Variants in HPD observed in about 807,000 individuals in gnomAD.
The protein encoded by HPD is 4-hydroxyphenylpyruvate dioxygenase, also known as 4-hydroxyphenylpyruvic acid oxidase.
Under a neutral mutation model 56.9 loss-of-function variants are expected in HPD, and 35 were observed. The observed-to-expected ratio is 0.62, with a 90% CI of 0.47 to 0.82. HPD has a LOEUF of 0.82. HPD is among the 40% of genes least tolerant of loss of function. The pLI is 0.00. For synonymous variants in HPD, 186 were observed against 200.2 expected (o/e 0.93, Z 0.60); for missense variants, 442 against 506.8 (o/e 0.87, Z 1.23).
the HPD span, among the ~76,000 whole-genome samples, chr12:121,878,839 A>AT: frequency 1.8e-3 from 263 of 146,712 alleles, 1 homozygote; most frequent in Admixed American, 3.2e-3. Context: ...ACACCAGGCT[A>AT]TTTTTTTTTC....
At chr12:121,842,629 CA>C (rs1332224138) in intron 12 of HPD, among the ~76,000 whole-genome samples, 3 of 151,618 alleles carry the variant, frequency 2.0e-5, no homozygotes, top group Non-Finnish European at 4.4e-5. Context: ...GGGGTTTCGC[CA>C]TATTGACCAG....
intron 3 of HPD, 60 bp downstream of exon 3, chr12:121,857,697 T>C: frequency 7.0e-7 from 1 of 1,420,850 alleles, no homozygotes; most frequent in South Asian, 1.2e-5. Context: ...AGGCCTGCCC[T>C]TGTCAGGCAG....
intron 4 of HPD, 191 bp from the exon 5 acceptor site, chr12:121,856,816 C>A: frequency 1.6e-6 from 1 of 640,452 alleles, no homozygotes; most frequent in South Asian, 1.8e-5. Context: ...GCCAGACCCC[C>A]TCTGGATCCT....
At chr12:121,867,729 G>C (rs1265796190), upstream of HPD, among the ~76,000 whole-genome samples, 1 of 152,062 alleles carries the variant, frequency 6.6e-6, no homozygotes, top group Admixed American at 6.6e-5. Flanking sequence ...GGCTCGGCTG[G>C]TCTCTAACTC....
Position 121,839,572 on chromosome 12 carries a change from GC to G in HPD, c.*155del. ...ATCGGGAGGGCTGGAGCAGAGGGCG[GC>G]CCCGCCGAGGGGCGTGGTCAGTGTG... On this transcript the variant is annotated 3_prime_UTR_variant, in exon 14 of 14. Coordinates refer to ENST00000289004, the MANE Select transcript of HPD (RefSeq NM_002150.3). The G allele has an allele frequency of 1.5e-6, 1 of 659,296 alleles. No individual in the cohort carries two copies. The highest frequency in any genetic ancestry group is 2.7e-6 in the Non-Finnish European group (1 of 366,744). The allele number at this position is 659,296 out of a possible 1,614,324, so 40.8% of individuals were successfully genotyped here.
At chr12:121,857,931 T>C in intron 2 of HPD, 112 bp from the exon 3 acceptor site, 1 of 823,992 alleles carries the variant, frequency 1.2e-6, no homozygotes, top group Non-Finnish European at 2.1e-6. Context: ...ACCACAGAAC[T>C]TAGGAGCAGC....
At chr12:121,858,523 TCA>T (rs1878086632) in intron 2 of HPD, among the ~76,000 whole-genome samples, 162 bp downstream of exon 2, 1 of 151,942 alleles carries the variant, frequency 6.6e-6, no homozygotes, top group Non-Finnish European at 1.5e-5. Flanking sequence ...TGAGTCCAGC[TCA>T]GTCTCGGGGA....
chr12:121,866,222 A>G (rs1046367530), upstream of HPD, among the ~76,000 whole-genome samples: 1 of 150,710 alleles, frequency 6.6e-6, no homozygotes, highest in African/African-American at 2.4e-5. Context: ...AATGGTGTGA[A>G]CTCGGGAGGC....
chr12:121,873,712 C>T, the HPD span, among the ~76,000 whole-genome samples: 7 of 151,972 alleles, frequency 4.6e-5, no homozygotes, highest in African/African-American at 9.7e-5. Flanking sequence ...CCCAGCTACG[C>T]GGGAGGCTGA....
At chr12:121,851,353 A>C (rs931859155) in intron 7 of HPD, among the ~76,000 whole-genome samples, 1 of 148,086 alleles carries the variant, frequency 6.8e-6, no homozygotes, top group African/African-American at 2.5e-5. Flanking sequence ...TAAAATTTTT[A>C]TTTATTTATT....
At chr12:121,867,677 C>A (rs1193546203), upstream of HPD, among the ~76,000 whole-genome samples, 8 of 151,976 alleles carry the variant, frequency 5.3e-5, no homozygotes, top group African/African-American at 1.9e-4. Flanking sequence ...CCATGCCTGG[C>A]TAATTTTTGT....
At chr12:121,871,518 C>A in the HPD span, among the ~76,000 whole-genome samples, 1 of 152,180 alleles carries the variant, frequency 6.6e-6, no homozygotes, top group Non-Finnish European at 1.5e-5. Flanking sequence ...TGCCAGGCCC[C>A]ACAGCTCTCC....
the HPD span, among the ~76,000 whole-genome samples, chr12:121,880,192 ATTTCTTT>A: frequency 6.7e-6 from 1 of 149,974 alleles, no homozygotes; most frequent in Non-Finnish European, 1.5e-5. Context: ...CTGTACCATG[ATTTCTTT>A]TTTCTTTCTT....
At chr12:121,856,755 C>T (rs1878017052) in intron 4 of HPD, 130 bp from the exon 5 acceptor site, 2 of 830,036 alleles carry the variant, frequency 2.4e-6, no homozygotes, top group South Asian at 1.4e-5. Context: ...TGGGTTCTAG[C>T]TCCTTCTCTG....
the HPD span, among the ~76,000 whole-genome samples, chr12:121,884,889 T>C: frequency 1.9e-4 from 29 of 152,238 alleles, no homozygotes; most frequent in Non-Finnish European, 3.8e-4. Flanking sequence ...TACAAATATA[T>C]ATCTCTTTCT....
the HPD span, among the ~76,000 whole-genome samples, chr12:121,869,706 G>C: frequency 6.6e-6 from 1 of 151,854 alleles, no homozygotes; most frequent in African/African-American, 2.4e-5. Flanking sequence ...TGTGTTTTTA[G>C]TAGAGACAGG....
chr12:121,843,912 G>C (rs1877490273), intron 11 of HPD, 80 bp from the exon 12 acceptor site: 26 of 1,561,286 alleles, frequency 1.7e-5, no homozygotes, highest in Non-Finnish European at 2.1e-5. Context: ...TGGGTCATCA[G>C]GATACAGGGT....
chr12:121,874,227 T>C, the HPD span: 1 of 152,190 alleles, frequency 6.6e-6, no homozygotes, highest in African/African-American at 2.4e-5. Context: ...AGAGGAAGAA[T>C]TGCCCAAATA....
chr12:121,866,639 T>G (rs1041747284), upstream of HPD, among the ~76,000 whole-genome samples: 3 of 151,998 alleles, frequency 2.0e-5, no homozygotes, highest in African/African-American at 7.2e-5. Context: ...TCTCTGCACA[T>G]CTAGTTGGCC....
Sources: gnomAD v4.1 joint callset for allele counts (sites outside exome capture counted in the v4.1 genomes callset) on GRCh38, gnomAD v4.1.1 for gene constraint, MANE v1.5 for transcripts, NCBI Gene and HGNC (gene_info 2026-07-23, HGNC 2026-07-21) for gene names.